The following MTHFD1L variants were observed in gnomAD, a reference collection of about 807,000 sequenced individuals.
MTHFD1L encodes monofunctional C1-tetrahydrofolate synthase, mitochondrial.
MTHFD1L carries 81 observed loss-of-function variants against 119.5 expected under a neutral mutation model. That is an observed-to-expected ratio of 0.68 (90% CI 0.57 to 0.82). The LOEUF (loss-of-function observed/expected upper bound fraction) is 0.82. Ranked by LOEUF, MTHFD1L falls within the 40% of genes least tolerant of loss-of-function variation. MTHFD1L has a pLI of 0.00. For synonymous variants in MTHFD1L, 430 were observed against 475.2 expected (o/e 0.90, Z 1.24); for missense variants, 1,125 against 1,253.4 (o/e 0.90, Z 1.55).
chr6:150,886,826 C>A (rs765296233), intron 6 of MTHFD1L, among the ~76,000 whole-genome samples: 1 of 150,876 alleles, frequency 6.6e-6, no homozygotes, highest in Non-Finnish European at 1.5e-5. Context: ...CCATCTCTAC[C>A]AAAAAAAATT....
At chr6:150,961,352 C>A (rs955399053) in intron 18 of MTHFD1L, among the ~76,000 whole-genome samples, 2 of 152,178 alleles carry the variant, frequency 1.3e-5, no homozygotes, top group Non-Finnish European at 1.5e-5. Flanking sequence ...ACTTGGCCTC[C>A]CAAAATGCTG....
intron 27 of MTHFD1L, among the ~76,000 whole-genome samples, chr6:151,100,564 A>C (rs568669103): frequency 1.4e-4 from 22 of 152,202 alleles, no homozygotes; most frequent in African/African-American, 4.8e-4. Flanking sequence ...GTGTAAGTTC[A>C]GATTAAAGGC....
intron 20 of MTHFD1L, among the ~76,000 whole-genome samples, chr6:150,995,970 C>A (rs1472887998): frequency 1.3e-5 from 2 of 151,908 alleles, no homozygotes; most frequent in Non-Finnish European, 2.9e-5. Flanking sequence ...CAACATATTT[C>A]TAATAATATA....
chr6:151,099,414 G>A (rs1269118605), intron 27 of MTHFD1L: 6 of 731,016 alleles, frequency 8.2e-6, no homozygotes, highest in Non-Finnish European at 1.4e-5. Flanking sequence ...GGATACCAGA[G>A]CCACTACAGT....
chr6:151,101,152 C>G (rs1795337899), intron 27 of MTHFD1L, among the ~76,000 whole-genome samples: 1 of 152,078 alleles, frequency 6.6e-6, no homozygotes, highest in Admixed American at 6.6e-5. Context: ...AAGTGAGACT[C>G]TGTCTCAAAA....
At chr6:150,900,975 A>C (rs1183848708) in intron 7 of MTHFD1L, among the ~76,000 whole-genome samples, 1 of 151,786 alleles carries the variant, frequency 6.6e-6, no homozygotes, top group Non-Finnish European at 1.5e-5. Flanking sequence ...GGATCGCGCC[A>C]CTGCACTCCA....
rs535251760 is a variant in MTHFD1L at position 151,016,603 on chromosome 6, G to C, written c.2586+910G>C. Among the ~76,000 whole-genome samples the C allele has an allele frequency of 2.7e-3, 405 of 151,860 alleles. 3 individuals are homozygous for C. The highest frequency in any genetic ancestry group is 9.1e-3 in the African/African-American group (378 of 41,410). ...CCCAAAGTGCTGGGATTATAGGCAT[G>C]AGCCACCACACCTGGCCTCTGCTTG... On this transcript the variant is annotated intron_variant, in intron 24 of 27. Coordinates refer to ENST00000367321, the MANE Select transcript of MTHFD1L (RefSeq NM_015440.5).
intron 18 of MTHFD1L, among the ~76,000 whole-genome samples, chr6:150,962,590 C>T (rs1796598742): frequency 6.6e-6 from 1 of 152,102 alleles, no homozygotes; most frequent in Admixed American, 6.6e-5. Flanking sequence ...TGAGCCTTCC[C>T]CACATGGACA....
At chr6:150,925,972 AGCAGTTGT>A in intron 10 of MTHFD1L, 142 bp from the exon 11 acceptor site, 1 of 607,010 alleles carries the variant, frequency 1.6e-6, no homozygotes, top group South Asian at 2.4e-5. Flanking sequence ...GTTAATTATT[AGCAGTTGT>A]GCTTATTACT....
At chr6:150,873,522 T>C (rs1465033567) in intron 1 of MTHFD1L, among the ~76,000 whole-genome samples, 4 of 152,140 alleles carry the variant, frequency 2.6e-5, no homozygotes, top group African/African-American at 9.7e-5. Flanking sequence ...CTGAGACTCT[T>C]AGAGACTTGT....
intron 20 of MTHFD1L, among the ~76,000 whole-genome samples, chr6:150,995,936 C>T (rs1330343486): frequency 1.3e-5 from 2 of 151,130 alleles, no homozygotes; most frequent in Non-Finnish European, 2.9e-5. Context: ...GCTGGGATTA[C>T]AGGCGTGAGC....
intron 11 of MTHFD1L, among the ~76,000 whole-genome samples, chr6:150,927,815 C>T (rs1006088846): frequency 1.1e-4 from 16 of 152,026 alleles, no homozygotes; most frequent in Non-Finnish European, 2.9e-5. Context: ...GCAAAATGCC[C>T]AGGATGAGGG....
chr6:151,099,781 G>A, intron 27 of MTHFD1L: 1 of 1,608,194 alleles, frequency 6.2e-7, no homozygotes, highest in Non-Finnish European at 8.5e-7. Flanking sequence ...CAAGGAGCTG[G>A]AAGTGCTGCT....
intron 26 of MTHFD1L, among the ~76,000 whole-genome samples, chr6:151,078,712 A>G (rs1792825524): frequency 6.6e-6 from 1 of 152,070 alleles, no homozygotes; most frequent in Admixed American, 6.6e-5. Context: ...TATTTCTTGA[A>G]AGCCAGCAGG....
At chr6:150,993,552 T>C (rs1584004478) in intron 20 of MTHFD1L, among the ~76,000 whole-genome samples, 1 of 152,150 alleles carries the variant, frequency 6.6e-6, no homozygotes. Context: ...CCTTAAGTGA[T>C]CCTCCTGCCT....
chr6:151,037,123 T>C lies in MTHFD1L; in HGVS notation c.2847+6T>C. ...TTTACCCTTTGGTCGGAACGGTGAG[T>C]GAGTCACATTTTCCAAAAACCCTCC... On this transcript the variant is annotated splice_donor_region_variant and intron_variant, in intron 26 of 27. Transcript: ENST00000367321. 1 of 1,611,734 alleles carries C rather than the reference T, an allele frequency of 6.2e-7. No individual in the cohort carries two copies. The highest frequency in any genetic ancestry group is 8.5e-7 in the Non-Finnish European group (1 of 1,179,650).
chr6:150,944,591 A>C lies in MTHFD1L; in HGVS notation c.1546A>C (p.Lys516Gln). ...TCTTCATGAAAACACGCAAACAGAT[A>C]AGGTGAGAAGGATGCCTTGCTAGCC... ...RILHENTQTDKALYNRLVPLV... is the reference protein window; with the variant it reads ...RILHENTQTDQALYNRLVPLV... The change falls in exon 14 of 28, where the codon AAG becomes CAG. Residue 516 changes from lysine (K) to glutamine (Q), a missense_variant and splice_region_variant. This residue lies in a region of MTHFD1L where 1,058 missense variants were observed against 1,151.2 expected (regional missense o/e 0.92). Transcript: ENST00000367321. The C allele has an allele frequency of 1.2e-6, 2 of 1,610,358 alleles. No individual in the cohort carries two copies. The highest frequency in any genetic ancestry group is 1.7e-6 in the Non-Finnish European group (2 of 1,177,046).
At chr6:151,099,381 G>A in intron 27 of MTHFD1L, 2 of 633,092 alleles carry the variant, frequency 3.2e-6, no homozygotes, top group Non-Finnish European at 5.6e-6. Context: ...CCTGTCCCAA[G>A]AGTCATTGAC....
At chr6:150,923,544 C>CTTTTT (rs61415562) in intron 10 of MTHFD1L, among the ~76,000 whole-genome samples, 4 of 53,240 alleles carry the variant, frequency 7.5e-5, no homozygotes, top group African/African-American at 2.4e-4. Context: ...TTTATTTTTT[C>CTTTTT]TTTTTTTTTT....
Sources: allele counts gnomAD v4.1 joint callset (sites outside exome capture counted in the v4.1 genomes callset), GRCh38; gene constraint gnomAD v4.1.1; regional missense constraint gnomAD v4.1.1; transcripts MANE v1.5; gene names NCBI Gene and HGNC (gene_info 2026-07-23, HGNC 2026-07-21).